The following RABGAP1L variants were observed in gnomAD, a reference collection of about 807,000 sequenced individuals.
RABGAP1L encodes rab GTPase-activating protein 1-like.
A neutral mutation model predicts 137.7 loss-of-function variants in RABGAP1L; 63 were observed. The observed-to-expected ratio is 0.46, with a 90% CI of 0.37 to 0.56. The LOEUF (loss-of-function observed/expected upper bound fraction) is 0.56. RABGAP1L is among the 20% of genes least tolerant of loss of function. The probability of loss-of-function intolerance (pLI) is 0.00; values close to 1 mark genes in which losing one functional copy is unlikely to be tolerated. For missense variants in RABGAP1L, 1,095 were observed against 1,244.0 expected, an observed-to-expected ratio of 0.88 and a Z score of 1.80; for synonymous variants, 431 against 433.7, an observed-to-expected ratio of 0.99 and a Z score of 0.08.
chr1:174,460,963 T>G (rs1389886610), intron 13 of RABGAP1L, among the ~76,000 whole-genome samples: 1 of 152,070 alleles, frequency 6.6e-6, no homozygotes, highest in Non-Finnish European at 1.5e-5. Context: ...GTCTTTAAGC[T>G]CAGATAATCT....
At chr1:174,300,922 T>A (rs1677641672) in intron 10 of RABGAP1L, among the ~76,000 whole-genome samples, 1 of 152,160 alleles carries the variant, frequency 6.6e-6, no homozygotes, top group Non-Finnish European at 1.5e-5. Flanking sequence ...AAGAAGGAAC[T>A]CACCATAGTG....
At chr1:174,467,465 C>T (rs1657430172) in intron 13 of RABGAP1L, among the ~76,000 whole-genome samples, 1 of 151,368 alleles carries the variant, frequency 6.6e-6, no homozygotes, top group African/African-American at 2.4e-5. Context: ...GGGTATTTCA[C>T]TTAGCCATGA....
At chr1:174,216,898 T>C (rs1001792644) in intron 1 of RABGAP1L, among the ~76,000 whole-genome samples, 1 of 150,726 alleles carries the variant, frequency 6.6e-6, no homozygotes, top group Non-Finnish European at 1.5e-5. Flanking sequence ...TCATGTAATC[T>C]AATTTATTTT....
chr1:174,806,812 G>A lies in RABGAP1L; in HGVS notation c.2212-5020G>A, dbSNP rs563929577. On this transcript the variant is annotated intron_variant, in intron 18 of 25. Coordinates refer to ENST00000681986, the MANE Select transcript of RABGAP1L (RefSeq NM_001366446.1). ...ATTTATTTATTTATTTTGAGACAAG[G>A]TCTCACTCTGTCACCTAGGCTGGAG... 2.6e-5 allele frequency among the ~76,000 whole-genome samples: 4 copies of A among 152,218 alleles called. No individual in the cohort carries two copies. The East Asian group carries it at 7.7e-4, about 29-fold the overall frequency.
intron 17 of RABGAP1L, among the ~76,000 whole-genome samples, chr1:174,709,999 C>T (rs368690845): frequency 2.0e-5 from 3 of 152,226 alleles, no homozygotes; most frequent in East Asian, 3.9e-4. Context: ...AAACACAGCA[C>T]GAGAACTTCG....
intron 3 of RABGAP1L, among the ~76,000 whole-genome samples, chr1:174,223,264 TAAAAAAAAA>T (rs550034492): frequency 1.0e-4 from 4 of 39,900 alleles, no homozygotes; most frequent in East Asian, 1.3e-3. Context: ...AGACTCTGTC[TAAAAAAAAA>T]AAAAAAAAAA....
chr1:174,192,813 C>T (rs1667305766), intron 1 of RABGAP1L, among the ~76,000 whole-genome samples: 1 of 152,170 alleles, frequency 6.6e-6, no homozygotes, highest in Non-Finnish European at 1.5e-5. Context: ...AGTCCCTTCA[C>T]ATAAACACTT....
chr1:174,633,492 C>G (rs936214439), intron 13 of RABGAP1L, among the ~76,000 whole-genome samples: 1 of 151,520 alleles, frequency 6.6e-6, no homozygotes, highest in East Asian at 1.9e-4. Context: ...CCATCCCCAT[C>G]AAGCTACCAA....
At chr1:174,744,668 G>A (rs1200808574) in intron 17 of RABGAP1L, among the ~76,000 whole-genome samples, 2 of 152,068 alleles carry the variant, frequency 1.3e-5, no homozygotes, top group Non-Finnish European at 2.9e-5. Flanking sequence ...ATCGAGTTGA[G>A]GGACATTTTA....
chr1:174,978,989 A>C, intron 23 of RABGAP1L, 99 bp downstream of exon 23: 1 of 1,352,538 alleles, frequency 7.4e-7, no homozygotes, highest in Non-Finnish European at 9.5e-7. Flanking sequence ...GACTAGCCTG[A>C]GCAACATAGC....
intron 13 of RABGAP1L, among the ~76,000 whole-genome samples, chr1:174,599,924 G>C (rs911499070): frequency 2.6e-5 from 4 of 152,130 alleles, no homozygotes; most frequent in African/African-American, 9.6e-5. Flanking sequence ...GTCTACCCTG[G>C]TCTACCTCTC....
chr1:174,290,076 C>T (rs996415784), intron 10 of RABGAP1L, among the ~76,000 whole-genome samples: 3 of 152,194 alleles, frequency 2.0e-5, no homozygotes, highest in Non-Finnish European at 4.4e-5. Flanking sequence ...GCCATCTGTG[C>T]TTTGCAGCTG....
At chr1:174,602,247 G>A (rs955346873) in intron 13 of RABGAP1L, among the ~76,000 whole-genome samples, 2 of 152,188 alleles carry the variant, frequency 1.3e-5, no homozygotes, top group African/African-American at 4.8e-5. Context: ...TGGACTTACA[G>A]TTCCACATTG....
chr1:174,233,003 G>T (rs187598600), intron 4 of RABGAP1L, among the ~76,000 whole-genome samples: 2 of 152,094 alleles, frequency 1.3e-5, no homozygotes, highest in African/African-American at 4.8e-5. Flanking sequence ...AGTTCTCGTG[G>T]TTGGGAGTTC....
chr1:174,506,397 A>G (rs937875957), intron 13 of RABGAP1L, among the ~76,000 whole-genome samples: 5 of 152,226 alleles, frequency 3.3e-5, no homozygotes, highest in African/African-American at 1.2e-4. Context: ...TTTACAGAAA[A>G]CAACCTTGTG....
At chr1:174,358,601 T>G (rs1210750629) in intron 11 of RABGAP1L, among the ~76,000 whole-genome samples, 1 of 152,234 alleles carries the variant, frequency 6.6e-6, no homozygotes. Flanking sequence ...TCACCCAGGA[T>G]GGCCTCCTGG....
chr1:174,175,614 G>T (rs1169797728), intron 1 of RABGAP1L, among the ~76,000 whole-genome samples: 1 of 143,374 alleles, frequency 7.0e-6, no homozygotes, highest in Non-Finnish European at 1.5e-5. Context: ...GTGCCACCAC[G>T]CCCGGCTACT....
intron 13 of RABGAP1L, among the ~76,000 whole-genome samples, chr1:174,478,985 C>T (rs921129126): frequency 5.9e-5 from 9 of 152,212 alleles, no homozygotes; most frequent in African/African-American, 2.2e-4. Flanking sequence ...AAGTGTGTTT[C>T]ACATGTTTGC....
At chr1:174,215,700 G>A (rs1182138137) in intron 1 of RABGAP1L, among the ~76,000 whole-genome samples, 1 of 152,110 alleles carries the variant, frequency 6.6e-6, no homozygotes, top group East Asian at 1.9e-4. Context: ...TGGAGAAAAG[G>A]TAACCCTGGT....
Sources: gnomAD v4.1 joint callset for allele counts (sites outside exome capture counted in the v4.1 genomes callset) on GRCh38, gnomAD v4.1.1 for gene constraint, MANE v1.5 for transcripts, NCBI Gene and HGNC (gene_info 2026-07-23, HGNC 2026-07-21) for gene names.